ZNF521: variants seen among roughly 807,000 people sequenced by gnomAD.
The protein encoded by ZNF521 is LYST-interacting protein 3.
Under a neutral mutation model 105.5 loss-of-function variants are expected in ZNF521, and 14 were observed. The observed-to-expected ratio is 0.13, with a 90% CI of 0.09 to 0.21. The LOEUF is 0.21. ZNF521 is among the 10% of genes least tolerant of loss of function. The pLI, the probability that ZNF521 is intolerant of heterozygous loss-of-function variation, is 1.00. For synonymous variants in ZNF521, 635 were observed against 606.0 expected (o/e 1.05, Z -0.70); for missense variants, 1,233 against 1,629.7 (o/e 0.76, Z 4.19).
chr18:25,139,199 T>C (rs1415025303), intron 5 of ZNF521, among the ~76,000 whole-genome samples: 3 of 150,562 alleles, frequency 2.0e-5, no homozygotes, highest in South Asian at 2.1e-4. Flanking sequence ...TGAAACCCCG[T>C]CTCTACTAAA....
intron 2 of ZNF521, among the ~76,000 whole-genome samples, chr18:25,328,038 C>G (rs1270843376): frequency 6.6e-6 from 1 of 152,172 alleles, no homozygotes; most frequent in African/African-American, 2.4e-5. Context: ...GAATGTGCTC[C>G]TTTTACCTCT....
chr18:25,080,230 G>A (rs560313705), intron 7 of ZNF521, among the ~76,000 whole-genome samples: 1 of 152,338 alleles, frequency 6.6e-6, no homozygotes, highest in South Asian at 2.1e-4. Flanking sequence ...AAGGAGACCT[G>A]TTATTTTAGG....
chr18:25,159,905 G>A (rs1049770725), intron 5 of ZNF521, among the ~76,000 whole-genome samples: 1 of 152,300 alleles, frequency 6.6e-6, no homozygotes, highest in Admixed American at 6.5e-5. Flanking sequence ...TATGTGTCAT[G>A]CTAAGCTCAG....
At chr18:25,321,638 A>G (rs1689496158) in intron 3 of ZNF521, among the ~76,000 whole-genome samples, 1 of 152,230 alleles carries the variant, frequency 6.6e-6, no homozygotes, top group Non-Finnish European at 1.5e-5. Flanking sequence ...TCCTTCAGGA[A>G]GTGTTATCTA....
intron 3 of ZNF521, among the ~76,000 whole-genome samples, chr18:25,234,553 A>G (rs1166868738): frequency 6.6e-6 from 1 of 152,142 alleles, no homozygotes; most frequent in Non-Finnish European, 1.5e-5. Flanking sequence ...TTCCTTGTCT[A>G]TAATATCAGA....
chr18:25,217,874 GGC>G (rs1354799535), intron 4 of ZNF521, among the ~76,000 whole-genome samples: 2 of 152,240 alleles, frequency 1.3e-5, no homozygotes, highest in Non-Finnish European at 2.9e-5. Context: ...TGGAGAGTCA[GGC>G]TCATAGACGG....
chr18:25,064,735 G>A (rs1325692051), intron 7 of ZNF521, among the ~76,000 whole-genome samples: 3 of 152,204 alleles, frequency 2.0e-5, no homozygotes, highest in Non-Finnish European at 2.9e-5. Context: ...TTGGGGCTGC[G>A]TGCAGAAGTT....
At chr18:25,182,510 G>A (rs568513223) in intron 5 of ZNF521, among the ~76,000 whole-genome samples, 6 of 152,216 alleles carry the variant, frequency 3.9e-5, no homozygotes, top group South Asian at 2.1e-4. Context: ...CGCCCATTTC[G>A]CTTCCCTTCC....
rs144251538 is a variant in ZNF521 at position 25,341,866 on chromosome 18, A to T, written c.40+9041T>A. On this transcript the variant is annotated intron_variant, in intron 2 of 7. Coordinates refer to ENST00000361524, the MANE Select transcript of ZNF521 (RefSeq NM_015461.3). ...TAAGCTCCATAAGAGCAAGGCTTAT[A>T]TATCTGTTTGGTTCACAGCTGAATC... Among the ~76,000 whole-genome samples, 568 of 152,340 alleles carry T rather than the reference A, an allele frequency of 3.7e-3. 2 individuals carry two copies. Among genetic ancestry groups the T allele is most frequent in the Non-Finnish European group, 5.3e-3 (364 of 68,038 alleles).
chr18:25,091,099 T>C (rs2033735251), intron 6 of ZNF521, among the ~76,000 whole-genome samples: 1 of 152,176 alleles, frequency 6.6e-6, no homozygotes, highest in East Asian at 1.9e-4. Flanking sequence ...AAATAATCAA[T>C]GCTTGGAATT....
At chr18:25,305,078 A>T (rs761094393) in intron 3 of ZNF521, among the ~76,000 whole-genome samples, 6 of 152,238 alleles carry the variant, frequency 3.9e-5, no homozygotes, top group Non-Finnish European at 7.3e-5. Context: ...TTTGTCGCAC[A>T]AATGCACTTC....
At chr18:25,256,359 C>T (rs1398487770) in intron 3 of ZNF521, among the ~76,000 whole-genome samples, 1 of 152,074 alleles carries the variant, frequency 6.6e-6, no homozygotes, top group African/African-American at 2.4e-5. Flanking sequence ...ATGTACGTAA[C>T]ACTTAAAAAT....
At chr18:25,351,930 G>GAGGAGGAGGAGGAGAGCCGGGAGC in intron 1 of ZNF521, 75 bp downstream of exon 1, 1 of 247,012 alleles carries the variant, frequency 4.0e-6, no homozygotes, top group South Asian at 4.0e-5. Context: ...GCGAGAGCAG[G>GAGGAGGAGGAGGAGAGCCGGGAGC]AGGAGGAGGA....
At chr18:25,179,234 AC>A (rs1310161923) in intron 5 of ZNF521, among the ~76,000 whole-genome samples, 1 of 132,928 alleles carries the variant, frequency 7.5e-6, no homozygotes, top group Admixed American at 8.8e-5. Context: ...GCTCACTGCA[AC>A]CTCTGCCTCC....
At chr18:25,300,186 CTG>C (rs1276555048) in intron 3 of ZNF521, among the ~76,000 whole-genome samples, 1 of 152,194 alleles carries the variant, frequency 6.6e-6, no homozygotes, top group African/African-American at 2.4e-5. Flanking sequence ...ACAGTACAGT[CTG>C]AGCTCCCAAG....
intron 7 of ZNF521, among the ~76,000 whole-genome samples, chr18:25,086,739 C>T (rs577663948): frequency 1.3e-5 from 2 of 152,236 alleles, no homozygotes; most frequent in South Asian, 2.1e-4. Flanking sequence ...ATATAAGGCT[C>T]ATAGTTTTGG....
chr18:25,177,136 C>T (rs772015568), intron 5 of ZNF521, among the ~76,000 whole-genome samples: 1 of 151,870 alleles, frequency 6.6e-6, no homozygotes, highest in Non-Finnish European at 1.5e-5. Context: ...TTTTATTGTA[C>T]ACTTTAAACT....
At position 25,225,745 on chromosome 18, in the gene ZNF521, T is replaced by C. The variant is rs755108688; in HGVS notation, c.2173A>G (p.Thr725Ala). ...GAGTCAAAAACTTCCTGGCAGAGGGTGCAGCGAAAGAAGACAAAGGTGTGC... is the reference window on the plus strand; with the variant it reads ...GAGTCAAAAACTTCCTGGCAGAGGGCGCAGCGAAAGAAGACAAAGGTGTGC... ...DMHTFVFFRC[T>A]LCQEVFDSKV... is the part of the protein sequence containing the mutation. Residue 725 changes from threonine (T) to alanine (A), a missense_variant, in exon 4 of 8, where the codon ACC becomes GCC. Coordinates refer to ENST00000361524, the MANE Select transcript of ZNF521 (RefSeq NM_015461.3). The surrounding 1 kb of genome is among the most constrained non-coding windows in gnomAD (Gnocchi z 5.6). The C allele has an allele frequency of 6.2e-7, 1 of 1,614,160 alleles. No individual in the cohort carries two copies. Among genetic ancestry groups the C allele is most frequent in the South Asian group, 1.1e-5 (1 of 91,076 alleles).
intron 3 of ZNF521, among the ~76,000 whole-genome samples, chr18:25,306,854 G>GAAAA (rs11445167): frequency 1.4e-5 from 2 of 145,504 alleles, no homozygotes; most frequent in Non-Finnish European, 3.0e-5. Context: ...CACAATTCAA[G>GAAAA]AAAAAAAAAA....
Sources: allele counts gnomAD v4.1 joint callset (sites outside exome capture counted in the v4.1 genomes callset), GRCh38; gene constraint gnomAD v4.1.1; non-coding constraint Gnocchi (gnomAD v3.1); transcripts MANE v1.5; gene names NCBI Gene and HGNC (gene_info 2026-07-23, HGNC 2026-07-21).